The following DNAH14 variants were observed in gnomAD, a reference collection of about 807,000 sequenced individuals.
DNAH14 encodes the protein axonemal beta dynein heavy chain 14.
A neutral mutation model predicts 520.9 loss-of-function variants in DNAH14; 478 were observed. That is an observed-to-expected ratio of 0.92 (90% CI 0.85 to 0.99). The LOEUF is 0.99. DNAH14 is among the 50% of genes least tolerant of loss of function. The pLI is 0.00. For missense variants in DNAH14, 4,831 were observed against 5,234.5 expected, an observed-to-expected ratio of 0.92 and a Z score of 2.38; for synonymous variants, 1,581 against 1,757.2, an observed-to-expected ratio of 0.90 and a Z score of 2.51.
At position 225,179,048 on chromosome 1, in the gene DNAH14, G is replaced by A. The variant is rs1457902333; in HGVS notation, c.5536-6243G>A. Among the ~76,000 whole-genome samples the A allele has an allele frequency of 3.3e-5, 5 of 152,116 alleles. No homozygotes were observed. In the East Asian group the frequency reaches 9.7e-4, roughly 29 times the overall value. On this transcript the variant is annotated intron_variant, in intron 36 of 85. Coordinates refer to ENST00000682510, the MANE Select transcript of DNAH14 (RefSeq NM_001367479.1). ...ATGATTGTGAGGCTTCCCCAGCCACGTGGAACTGTAACTCCAATTAAACCT... is the reference window on the plus strand; with the variant it reads ...ATGATTGTGAGGCTTCCCCAGCCACATGGAACTGTAACTCCAATTAAACCT...
intron 67 of DNAH14, 150 bp downstream of exon 67, chr1:225,337,646 G>A (rs530648418): frequency 4.6e-6 from 3 of 650,834 alleles, no homozygotes; most frequent in African/African-American, 1.8e-5. Context: ...GACAGAGAGT[G>A]AGTTTTCAAT....
chr1:225,200,160 T>A lies in DNAH14; in HGVS notation c.5887-4023T>A, dbSNP rs188015937. 3.2e-4 allele frequency among the ~76,000 whole-genome samples: 48 copies of A among 152,318 alleles called. No homozygotes were observed. In the East Asian group the frequency reaches 7.7e-3, roughly 24 times the overall value. The stretch of plus-strand genomic sequence containing the variant: ...ATATAAGAATAGCTACTCCTGCTCA[T>A]TTTGGGTGTCTATTTGCATGGAATG... On this transcript the variant is annotated intron_variant, in intron 38 of 85. Coordinates refer to ENST00000682510, the MANE Select transcript of DNAH14 (RefSeq NM_001367479.1).
chr1:224,968,883 A>G lies in DNAH14; in HGVS notation c.767+9A>G. On this transcript the variant is annotated intron_variant, in intron 7 of 85. Coordinates refer to ENST00000682510, the MANE Select transcript of DNAH14 (RefSeq NM_001367479.1). ...ATATTTTCTGATTTCCGGTGAGGTG[A>G]AAAAAATGAAACCAATTCTTTGTAG... The G allele has an allele frequency of 2.6e-6, 4 of 1,510,848 alleles. No homozygotes were observed. The highest frequency in any genetic ancestry group is 3.6e-6 in the Non-Finnish European group (4 of 1,118,528). 93.6% of individuals were successfully genotyped at this position (1,510,848 alleles called of 1,614,324 possible).
chr1:225,231,190 A>AT, intron 42 of DNAH14, 39 bp downstream of exon 42: 3 of 1,409,032 alleles, frequency 2.1e-6, no homozygotes, highest in Non-Finnish European at 2.9e-6. Context: ...TTTAATAACC[A>AT]TTAGGTGCCA....
At chr1:225,168,613 G>A (rs908936610) in intron 36 of DNAH14, among the ~76,000 whole-genome samples, 3 of 152,244 alleles carry the variant, frequency 2.0e-5, no homozygotes, top group East Asian at 1.9e-4. Context: ...AGGGGCGCCT[G>A]CTATTGCTGA....
rs187881260 is a variant in DNAH14, at chr1:225,267,439, G to A, written c.7539+670G>A. 5.6e-3 allele frequency among the ~76,000 whole-genome samples: 847 copies of A among 151,694 alleles called. 23 individuals are homozygous for A. The highest frequency in any genetic ancestry group is 0.049 in the Admixed American group (739 of 15,230). On this transcript the variant is annotated intron_variant, in intron 49 of 85. Coordinates refer to ENST00000682510, the MANE Select transcript of DNAH14 (RefSeq NM_001367479.1). ...CTCCCTAGTAGCTGGGACTACAGGC[G>A]CCCACCACCACGCCCAGCTAGTTTT...
chr1:225,211,375 CT>C (rs2088383632), intron 41 of DNAH14, among the ~76,000 whole-genome samples: 1 of 151,960 alleles, frequency 6.6e-6, no homozygotes, highest in Admixed American at 6.6e-5. Context: ...GTATCAATAA[CT>C]GAATAGATCA....
intron 66 of DNAH14, among the ~76,000 whole-genome samples, chr1:225,335,483 A>C (rs1435883578): frequency 6.6e-6 from 1 of 150,476 alleles, no homozygotes; most frequent in African/African-American, 2.4e-5. Context: ...GTGTATGCAC[A>C]TATACACGTG....
intron 37 of DNAH14, among the ~76,000 whole-genome samples, chr1:225,191,321 A>G (rs1009803426): frequency 3.3e-5 from 5 of 151,910 alleles, no homozygotes; most frequent in African/African-American, 1.2e-4. Flanking sequence ...CCTCACTTTC[A>G]TAAGATGGTT....
chr1:225,156,353 T>C (rs901286570), intron 34 of DNAH14, among the ~76,000 whole-genome samples: 2 of 152,158 alleles, frequency 1.3e-5, no homozygotes, highest in African/African-American at 4.8e-5. Flanking sequence ...AAGTCTGACA[T>C]CCAGGTTGTG....
chr1:225,393,979 C>T (rs1198684596), intron 84 of DNAH14, among the ~76,000 whole-genome samples: 3 of 151,930 alleles, frequency 2.0e-5, no homozygotes, highest in Admixed American at 6.6e-5. Context: ...CCACCACACC[C>T]GGCTAATATT....
At position 225,152,084 on chromosome 1, in the gene DNAH14, G is replaced by C; in HGVS notation, c.5009+11G>C. On this transcript the variant is annotated intron_variant, in intron 32 of 85. Coordinates refer to ENST00000682510, the MANE Select transcript of DNAH14 (RefSeq NM_001367479.1). ...CACCATGAATCCCAGGTAAGTATCA[G>C]TAAATCTAGTGGGAATAGACACAGA... 1.3e-6 allele frequency: 2 copies of C among 1,545,762 alleles called. No homozygotes were observed. The highest frequency in any genetic ancestry group is 1.7e-6 in the Non-Finnish European group (2 of 1,144,046).
At chr1:225,292,490 T>G (rs1487597399) in intron 55 of DNAH14, among the ~76,000 whole-genome samples, 1 of 152,168 alleles carries the variant, frequency 6.6e-6, no homozygotes, top group Non-Finnish European at 1.5e-5. Flanking sequence ...CATGCTGTTT[T>G]GGTTACTATA....
intron 35 of DNAH14, among the ~76,000 whole-genome samples, chr1:225,165,913 G>A (rs2035302): frequency 0.15 from 23,440 of 151,952 alleles, 2,108 homozygotes; most frequent in East Asian, 0.36. Flanking sequence ...ATGAAAATGC[G>A]ATTTGATGTT....
chr1:225,299,019 A>G (rs1042883285), intron 55 of DNAH14, among the ~76,000 whole-genome samples: 5 of 152,192 alleles, frequency 3.3e-5, no homozygotes, highest in South Asian at 2.1e-4. Context: ...CCATCCTGTC[A>G]CTGTACTCAT....
intron 44 of DNAH14, among the ~76,000 whole-genome samples, chr1:225,254,221 G>C (rs183029774): frequency 1.5e-4 from 23 of 152,176 alleles, no homozygotes; most frequent in Admixed American, 1.4e-3. Context: ...ACCATGGGCT[G>C]TTACATGAGA....
chr1:224,952,412 G>A (rs1050625577), intron 1 of DNAH14, among the ~76,000 whole-genome samples: 2 of 152,140 alleles, frequency 1.3e-5, no homozygotes, highest in Non-Finnish European at 2.9e-5. Context: ...AAAATTGTAT[G>A]TACATAAACC....
chr1:225,081,212 A>C (rs1336507578), intron 19 of DNAH14, among the ~76,000 whole-genome samples: 3 of 152,208 alleles, frequency 2.0e-5, no homozygotes, highest in Non-Finnish European at 4.4e-5. Context: ...TATAAGATCA[A>C]ATCCTTTCCA....
chr1:224,943,412 T>C (rs1214948988), intron 1 of DNAH14, among the ~76,000 whole-genome samples: 1 of 152,190 alleles, frequency 6.6e-6, no homozygotes, highest in East Asian at 1.9e-4. Context: ...TTGCTAGCGG[T>C]CTATCAATTT....
Sources: gnomAD v4.1 joint callset for allele counts (sites outside exome capture counted in the v4.1 genomes callset) on GRCh38, gnomAD v4.1.1 for gene constraint, MANE v1.5 for transcripts, NCBI Gene and HGNC (gene_info 2026-07-23, HGNC 2026-07-21) for gene names.